The following SAMMSON variants were observed in gnomAD, a reference collection of about 807,000 sequenced individuals.
SAMMSON encodes long intergenic non-protein coding RNA 1212.
At chr3:70,102,270 A>G (rs753151542) in intron 4 of SAMMSON, among the ~76,000 whole-genome samples, 1 of 152,206 alleles carries the variant, frequency 6.6e-6, no homozygotes, top group Admixed American at 6.5e-5. Context: ...ACAAATTCCC[A>G]TAAGCTGCTA....
chr3:70,269,794 G>A (rs1701956763), intron 6 of SAMMSON, among the ~76,000 whole-genome samples: 1 of 152,110 alleles, frequency 6.6e-6, no homozygotes, highest in South Asian at 2.1e-4. Context: ...AAAGGACAAA[G>A]AAGAAATTTA....
At chr3:70,122,242 G>T (rs1187626545) in intron 4 of SAMMSON, among the ~76,000 whole-genome samples, 2 of 152,116 alleles carry the variant, frequency 1.3e-5, no homozygotes, top group Non-Finnish European at 2.9e-5. Context: ...ACCCAGGCCG[G>T]AGTGTAGTGG....
At chr3:70,433,172 T>C (rs1356350073) in intron 2 of SAMMSON, among the ~76,000 whole-genome samples, 1 of 152,112 alleles carries the variant, frequency 6.6e-6, no homozygotes, top group East Asian at 1.9e-4. Flanking sequence ...TTTGGGCAAA[T>C]ACCAAGGAGC....
At chr3:70,057,048 T>C (rs1213496864) in intron 3 of SAMMSON, among the ~76,000 whole-genome samples, 1 of 152,058 alleles carries the variant, frequency 6.6e-6, no homozygotes, top group Non-Finnish European at 1.5e-5. Context: ...AATGTATGGA[T>C]GTGATAGTTA....
At chr3:70,228,485 T>A (rs562196639) in intron 4 of SAMMSON, among the ~76,000 whole-genome samples, 2 of 152,210 alleles carry the variant, frequency 1.3e-5, no homozygotes, top group East Asian at 3.9e-4. Context: ...TTTAATATAG[T>A]ACAGTTTTGG....
At chr3:70,306,866 T>G (rs1702406106) in intron 7 of SAMMSON, among the ~76,000 whole-genome samples, 1 of 152,188 alleles carries the variant, frequency 6.6e-6, no homozygotes, top group Non-Finnish European at 1.5e-5. Flanking sequence ...ATGATTGGTG[T>G]CTTGACTTTG....
intron 4 of SAMMSON, chr3:70,205,580 T>C (rs1390624724): frequency 6.6e-6 from 1 of 152,032 alleles, no homozygotes; most frequent in Non-Finnish European, 1.5e-5. Context: ...ACATACCCCA[T>C]GGTGTGAACT....
intron 4 of SAMMSON, among the ~76,000 whole-genome samples, chr3:70,182,514 A>G (rs555340037): frequency 6.6e-5 from 10 of 152,288 alleles, no homozygotes; most frequent in African/African-American, 2.2e-4. Context: ...CGTAAAAGTA[A>G]CAGATTGGAG....
chr3:70,228,528 C>A (rs1359453227), intron 4 of SAMMSON, among the ~76,000 whole-genome samples: 1 of 150,862 alleles, frequency 6.6e-6, no homozygotes, highest in East Asian at 2.0e-4. Flanking sequence ...TTTCTAAGTT[C>A]TTTGTTTGTT....
At chr3:70,020,085 C>A (rs2067005513) in intron 3 of SAMMSON, among the ~76,000 whole-genome samples, 1 of 152,144 alleles carries the variant, frequency 6.6e-6, no homozygotes, top group Admixed American at 6.6e-5. Context: ...TTGTGCATCA[C>A]AACCAGACAA....
intron 4 of SAMMSON, among the ~76,000 whole-genome samples, chr3:70,168,304 G>T (rs892094725): frequency 2.6e-5 from 4 of 151,914 alleles, no homozygotes; most frequent in African/African-American, 9.7e-5. Flanking sequence ...ATTAAGGGAG[G>T]AAGGGGTGAC....
At chr3:70,208,977 T>A (rs56149550) in intron 4 of SAMMSON, among the ~76,000 whole-genome samples, 29,826 of 152,020 alleles carry the variant, frequency 0.2, 3,351 homozygotes, top group Non-Finnish European at 0.26. Context: ...GTATTGAATA[T>A]TGAAGTGGAA....
intron 9 of SAMMSON, among the ~76,000 whole-genome samples, chr3:70,389,031 T>C (rs573955061): frequency 6.6e-6 from 1 of 152,212 alleles, no homozygotes; most frequent in East Asian, 1.9e-4. Context: ...TTAAAAAGAA[T>C]CTGGCTTCCT....
chr3:70,424,551 T>C (rs1451343410), intron 2 of SAMMSON, among the ~76,000 whole-genome samples: 2 of 152,156 alleles, frequency 1.3e-5, no homozygotes, highest in Non-Finnish European at 2.9e-5. Context: ...AATGACTTTA[T>C]AACATGTAAA....
intron 4 of SAMMSON, among the ~76,000 whole-genome samples, chr3:70,162,460 G>T (rs1467328780): frequency 1.3e-5 from 2 of 150,448 alleles, no homozygotes; most frequent in Non-Finnish European, 3.0e-5. Context: ...TTTTTTTTCT[G>T]TTACCGATTT....
chr3:70,281,657 G>C (rs959170207), intron 6 of SAMMSON, among the ~76,000 whole-genome samples: 1 of 152,060 alleles, frequency 6.6e-6, no homozygotes, highest in Non-Finnish European at 1.5e-5. Context: ...ATTTATGCAC[G>C]ATGGTTCTTC....
intron 4 of SAMMSON, among the ~76,000 whole-genome samples, chr3:70,210,322 C>A (rs1701331047): frequency 6.6e-6 from 1 of 152,002 alleles, no homozygotes; most frequent in Admixed American, 6.6e-5. Context: ...AATTCTATAT[C>A]TCTGTTTATA....
At chr3:70,022,212 A>G (rs1056431979) in intron 3 of SAMMSON, among the ~76,000 whole-genome samples, 1 of 147,740 alleles carries the variant, frequency 6.8e-6, no homozygotes. Flanking sequence ...TTCAAATGAC[A>G]ACGTGATATT....
At chr3:70,337,567 T>C (rs1702675094) in intron 7 of SAMMSON, among the ~76,000 whole-genome samples, 1 of 152,032 alleles carries the variant, frequency 6.6e-6, no homozygotes, top group Non-Finnish European at 1.5e-5. Context: ...GAATGATAGA[T>C]ATTTTGCAAT....
Sources: allele counts gnomAD v4.1 joint callset (sites outside exome capture counted in the v4.1 genomes callset), GRCh38; gene constraint gnomAD v4.1.1; transcripts MANE v1.5; gene names NCBI Gene and HGNC (gene_info 2026-07-23, HGNC 2026-07-21).